The following DNAAF5 variants were observed in gnomAD, a reference collection of about 807,000 sequenced individuals.
The protein encoded by DNAAF5 is HEAT repeat containing 2.
DNAAF5 carries 64 observed loss-of-function variants against 75.8 expected under a neutral mutation model. That is an observed-to-expected ratio of 0.84 (90% CI 0.69 to 1.04). The LOEUF (loss-of-function observed/expected upper bound fraction) is 1.04, where lower values mean the gene tolerates loss of function less well. DNAAF5 is among the 50% of genes least tolerant of loss of function. DNAAF5 has a pLI of 0.00. For missense variants in DNAAF5, 1,269 were observed against 1,178.5 expected, an observed-to-expected ratio of 1.08 and a Z score of -1.12; for synonymous variants, 657 against 557.2, an observed-to-expected ratio of 1.18 and a Z score of -2.52.
intron 4 of DNAAF5, among the ~76,000 whole-genome samples, chr7:746,319 G>A (rs537295033): frequency 8.3e-5 from 9 of 108,566 alleles, no homozygotes; most frequent in African/African-American, 2.6e-4. Flanking sequence ...ACTTTCCCCC[G>A]CCCGTCATGC....
chr7:776,190 G>A (rs1406275944), intron 11 of DNAAF5, among the ~76,000 whole-genome samples: 1 of 152,106 alleles, frequency 6.6e-6, no homozygotes, highest in Non-Finnish European at 1.5e-5. Context: ...AAAAAAATTA[G>A]CTGGACATGG....
chr7:765,182 T>C (rs1210511795), intron 8 of DNAAF5, among the ~76,000 whole-genome samples: 1 of 152,164 alleles, frequency 6.6e-6, no homozygotes, highest in African/African-American at 2.4e-5. Flanking sequence ...TTAAACACTT[T>C]ATGCCAGACG....
chr7:764,067 A>G (rs1422111732), intron 8 of DNAAF5, 93 bp downstream of exon 8: 1 of 1,378,036 alleles, frequency 7.3e-7, no homozygotes, highest in African/African-American at 1.4e-5. Flanking sequence ...AGCGCCGACC[A>G]GCTGAGCTGT....
chr7:754,945 G>GCGGCC lies in DNAAF5; in HGVS notation c.1257+125_1257+126insGGCCC. On this transcript the variant is annotated intron_variant, in intron 5 of 12. Coordinates refer to ENST00000297440, the MANE Select transcript of DNAAF5 (RefSeq NM_017802.4). This position sits in a 1 kb window ranked among gnomAD's most constrained non-coding sequence, Gnocchi z 4.8. ...ACAGCGTTCCCCTCACCCCCGGGCC[G>GCGGCC]CAGGCCCTCCCCACACCCAGCCCCT... The GCGGCC allele has an allele frequency of 4.3e-6, 3 of 691,404 alleles. No individual in the cohort carries two copies. Among genetic ancestry groups the GCGGCC allele is most frequent in the Non-Finnish European group, 7.1e-6 (3 of 420,764 alleles). The allele number at this position is 691,404 out of a possible 1,614,324, so 42.8% of individuals were successfully genotyped here.
Position 744,857 on chromosome 7 carries a change from C to T in DNAAF5, c.1024+3392C>T, listed in dbSNP as rs1782031598. ...ACCTCAGGTGATCCGCCTGCCTCAG[C>T]CTCCCAAAGTGCTGGTATTACAGAG... On this transcript the variant is annotated intron_variant, in intron 4 of 12. Coordinates refer to ENST00000297440, the MANE Select transcript of DNAAF5 (RefSeq NM_017802.4). 1.3e-5 allele frequency among the ~76,000 whole-genome samples: 2 copies of T among 152,150 alleles called. 1 individual carries two copies. The highest frequency in any genetic ancestry group is 4.8e-5 in the African/African-American group (2 of 41,426).
intron 2 of DNAAF5, among the ~76,000 whole-genome samples, chr7:731,912 C>T (rs1266768342): frequency 1.3e-5 from 2 of 152,152 alleles, no homozygotes; most frequent in African/African-American, 4.8e-5. Flanking sequence ...TCCTTGCAGA[C>T]ACCTCCACCC....
intron 9 of DNAAF5, among the ~76,000 whole-genome samples, chr7:773,182 A>T (rs1172502179): frequency 6.6e-6 from 1 of 152,214 alleles, no homozygotes; most frequent in Non-Finnish European, 1.5e-5. Flanking sequence ...AACCCACGCC[A>T]GAAACCTCGC....
intron 2 of DNAAF5, among the ~76,000 whole-genome samples, chr7:731,827 T>G (rs1781595247): frequency 6.6e-6 from 1 of 152,026 alleles, no homozygotes; most frequent in South Asian, 2.1e-4. Flanking sequence ...TTCACGTGAG[T>G]TTCGTGTGGA....
intron 6 of DNAAF5, among the ~76,000 whole-genome samples, chr7:758,526 G>A (rs1039467577): frequency 1.3e-5 from 2 of 152,206 alleles, no homozygotes; most frequent in Non-Finnish European, 2.9e-5. Flanking sequence ...CGGCCCTTTG[G>A]CCAAGGAGCC....
At chr7:771,126 C>T (rs977865208) in intron 9 of DNAAF5, 2 of 152,422 alleles carry the variant, frequency 1.3e-5, no homozygotes, top group African/African-American at 4.8e-5. Flanking sequence ...CTTTTCAAAC[C>T]TAACAAACAA....
In DNAAF5 at chr7:774,135, C is replaced by T. The variant is rs1778672689; in HGVS notation, c.2019C>T (p.Ile673=). 1 of 1,612,522 alleles carries T rather than the reference C, an allele frequency of 6.2e-7. No homozygotes were observed. Among genetic ancestry groups the T allele is most frequent in the African/African-American group, 1.3e-5 (1 of 74,936 alleles). Residue 673 remains isoleucine (I), a synonymous_variant, in exon 10 of 13, where the codon ATC becomes ATT. Coordinates refer to ENST00000297440, the MANE Select transcript of DNAAF5 (RefSeq NM_017802.4). ...ATGCGGGGAGGACAGCCGCGGCCATCCGCACGGCTGCCGTGTCCTGCCTCT... is the reference window on the plus strand; with the variant it reads ...ATGCGGGGAGGACAGCCGCGGCCATTCGCACGGCTGCCGTGTCCTGCCTCT... ...QWHAGRTAAA[I]RTAAVSCLWA...
In DNAAF5 at chr7:754,869, T is replaced by G; in HGVS notation, c.1257+48T>G. 1 of 1,386,776 alleles carries G rather than the reference T, an allele frequency of 7.2e-7. No individual in the cohort carries two copies. Among genetic ancestry groups the G allele is most frequent in the Non-Finnish European group, 9.9e-7 (1 of 1,008,036 alleles). 85.9% of individuals were successfully genotyped at this position (1,386,776 alleles called of 1,614,324 possible). A position where few individuals can be genotyped will look rare whatever the true frequency, so the allele number is the denominator to read the frequency against. ...TGGTCGCGGAGCTGTAACTCGAGCT[T>G]AAGATCCCGCCTCTGTGGTGTGCGG... is the stretch of plus-strand genomic sequence containing the variant. On this transcript the variant is annotated intron_variant, in intron 5 of 12. Transcript: ENST00000297440. This position sits in a 1 kb window ranked among gnomAD's most constrained non-coding sequence, Gnocchi z 4.8.
intron 8 of DNAAF5, among the ~76,000 whole-genome samples, chr7:769,819 AG>A (rs1315823726): frequency 6.6e-6 from 1 of 152,028 alleles, no homozygotes; most frequent in Non-Finnish European, 1.5e-5. Flanking sequence ...TTGTATTTTT[AG>A]TAGAGATGGG....
intron 12 of DNAAF5, among the ~76,000 whole-genome samples, chr7:783,456 CACAG>C (rs1779045352): frequency 6.6e-6 from 1 of 152,262 alleles, no homozygotes; most frequent in Admixed American, 6.5e-5. Flanking sequence ...GGCTTTGACT[CACAG>C]ACCCTCTGAA....
At chr7:731,445 A>G (rs1781559838) in intron 2 of DNAAF5, among the ~76,000 whole-genome samples, 2 of 152,248 alleles carry the variant, frequency 1.3e-5, no homozygotes, top group Admixed American at 1.3e-4. Flanking sequence ...AACTCTAAAA[A>G]TACCATAACT....
intron 8 of DNAAF5, among the ~76,000 whole-genome samples, chr7:770,010 G>A (rs975814829): frequency 6.6e-6 from 1 of 152,188 alleles, no homozygotes; most frequent in African/African-American, 2.4e-5. Context: ...GGAGTGCAGT[G>A]GCACGATCTC....
At chr7:770,788 C>G in intron 9 of DNAAF5, 170 bp downstream of exon 9, 1 of 625,260 alleles carries the variant, frequency 1.6e-6, no homozygotes. Context: ...AAAGGTGGGC[C>G]GGGGGTCCCC....
intron 7 of DNAAF5, 113 bp from the exon 8 acceptor site, chr7:763,693 C>G: frequency 8.2e-7 from 1 of 1,221,852 alleles, no homozygotes. Flanking sequence ...ATTATCCTGG[C>G]AGGCCCGGCC....
Position 727,093 on chromosome 7 carries a change from T to C in DNAAF5, c.373T>C (p.Leu125=). 2.8e-6 allele frequency: 3 copies of C among 1,058,486 alleles called. No homozygotes were observed. Among genetic ancestry groups the C allele is most frequent in the Non-Finnish European group, 3.4e-6 (3 of 880,518 alleles). The allele number at this position is 1,058,486 out of a possible 1,614,324, so 65.6% of individuals were successfully genotyped here. A position where few individuals can be genotyped will look rare whatever the true frequency, so the allele number is the denominator to read the frequency against. The change falls in exon 1 of 13, where the codon TTG becomes CTG. Residue 125 remains leucine, a synonymous_variant. Transcript: ENST00000297440. The part of the protein sequence containing the change: ...PRLLPALAAR[L]AGPVPARRPP... ...CCTGCTGCCCGCGCTCGCCGCGCGC[T>C]TGGCCGGCCCCGTGCCCGCGCGCCG...
Sources: allele counts gnomAD v4.1 joint callset (sites outside exome capture counted in the v4.1 genomes callset), GRCh38; gene constraint gnomAD v4.1.1; non-coding constraint Gnocchi (gnomAD v3.1); transcripts MANE v1.5; gene names NCBI Gene and HGNC (gene_info 2026-07-23, HGNC 2026-07-21).